Variants in NAV2 observed in about 807,000 individuals in gnomAD.
NAV2 encodes neuron navigator 2, also known as helicase, APC down-regulated 1.
In NAV2, 54 loss-of-function variants were observed where a neutral mutation model predicts 223.2. The ratio of observed to expected loss-of-function variants is 0.24; its 90% CI spans 0.19 to 0.30. The LOEUF is 0.30. Among genes scored for constraint, NAV2 ranks in the 10% least tolerant of loss-of-function variants. NAV2 has a pLI of 1.00. For missense variants in NAV2, 2,806 were observed against 3,147.5 expected (o/e 0.89, Z 2.60); for synonymous variants, 1,279 against 1,239.3 (o/e 1.03, Z -0.67).
intron 1 of NAV2, among the ~76,000 whole-genome samples, chr11:19,831,547 A>G (rs1291433906): frequency 1.3e-5 from 2 of 152,178 alleles, no homozygotes; most frequent in Non-Finnish European, 2.9e-5. Context: ...GTTCACATAT[A>G]CACTCTTCTG....
At chr11:20,109,278 A>G (rs1016094864) in intron 36 of NAV2, among the ~76,000 whole-genome samples, 1 of 152,086 alleles carries the variant, frequency 6.6e-6, no homozygotes, top group Admixed American at 6.5e-5. Flanking sequence ...CATATTTAAT[A>G]AAGTGTATTG....
Position 20,048,724 on chromosome 11 carries a change from A to G in NAV2, c.3903-4A>G. On this transcript the variant is annotated splice_polypyrimidine_tract_variant and splice_region_variant and intron_variant, in intron 14 of 37. Coordinates refer to ENST00000349880, the MANE Select transcript of NAV2 (RefSeq NM_145117.5). ...AACCTACACAACCCTTTGTCTCTTC[A>G]CAGACTCTTTGGTGGGAAGCCTACC... The G allele has an allele frequency of 6.2e-7, 1 of 1,613,184 alleles. No homozygotes were observed. Among genetic ancestry groups the G allele is most frequent in the African/African-American group, 1.3e-5 (1 of 74,946 alleles).
chr11:20,111,249 C>T (rs546546037), intron 36 of NAV2, among the ~76,000 whole-genome samples: 16 of 152,210 alleles, frequency 1.1e-4, no homozygotes, highest in Admixed American at 2.6e-4. Flanking sequence ...TTCAATGTCT[C>T]AGCTCCCTGT....
intron 10 of NAV2, among the ~76,000 whole-genome samples, chr11:19,977,862 T>TG (rs1353094260): frequency 2.1e-5 from 3 of 146,266 alleles, no homozygotes; most frequent in Non-Finnish European, 4.5e-5. Flanking sequence ...TGGAGTGCAA[T>TG]GGCACAGTCT....
chr11:20,052,385 T>C (rs1383169137), intron 17 of NAV2, among the ~76,000 whole-genome samples: 1 of 152,228 alleles, frequency 6.6e-6, no homozygotes, highest in Non-Finnish European at 1.5e-5. Context: ...CAGGAAGTTG[T>C]TGAGCAGTGT....
intron 6 of NAV2, among the ~76,000 whole-genome samples, chr11:19,895,600 T>G (rs1479252624): frequency 6.6e-6 from 1 of 152,098 alleles, no homozygotes; most frequent in Non-Finnish European, 1.5e-5. Context: ...TGTGAGAGTG[T>G]TATGTGAGCT....
intron 1 of NAV2, among the ~76,000 whole-genome samples, chr11:19,562,539 G>A (rs1292759158): frequency 2.0e-5 from 3 of 152,060 alleles, no homozygotes; most frequent in Non-Finnish European, 2.9e-5. Context: ...CTGGAGCTTA[G>A]GCACTAAATC....
At chr11:19,706,129 T>G (rs1177153308) in intron 1 of NAV2, among the ~76,000 whole-genome samples, 1 of 152,208 alleles carries the variant, frequency 6.6e-6, no homozygotes, top group Non-Finnish European at 1.5e-5. Context: ...TATGATTTAT[T>G]TACACAGCCT....
chr11:19,914,310 G>T (rs573585526), intron 6 of NAV2, among the ~76,000 whole-genome samples: 1 of 152,040 alleles, frequency 6.6e-6, no homozygotes, highest in South Asian at 2.1e-4. Flanking sequence ...CATTACTGTC[G>T]GTCACTATTT....
At chr11:19,861,338 G>A (rs770963225) in intron 3 of NAV2, among the ~76,000 whole-genome samples, 23 of 149,366 alleles carry the variant, frequency 1.5e-4, no homozygotes, top group Non-Finnish European at 3.3e-4. Flanking sequence ...AAGCCTGGAG[G>A]AGGAAACGGA....
At chr11:19,748,638 T>C (rs1303323891) in intron 1 of NAV2, among the ~76,000 whole-genome samples, 3 of 152,164 alleles carry the variant, frequency 2.0e-5, no homozygotes, top group Non-Finnish European at 4.4e-5. Flanking sequence ...AATGAATGAG[T>C]AGACATTGTC....
chr11:19,784,197 T>C (rs977787945), intron 1 of NAV2, among the ~76,000 whole-genome samples: 12 of 151,886 alleles, frequency 7.9e-5, no homozygotes, highest in African/African-American at 2.9e-4. Flanking sequence ...AAGACCAGCC[T>C]GACCAACATG....
chr11:19,371,006 C>T (rs183786498), intron 1 of NAV2, among the ~76,000 whole-genome samples: 2 of 152,254 alleles, frequency 1.3e-5, no homozygotes, highest in East Asian at 1.9e-4. Flanking sequence ...TAGTCCAATT[C>T]CCATTTTTCA....
At chr11:20,036,257 C>T (rs964916753) in intron 12 of NAV2, among the ~76,000 whole-genome samples, 160 bp downstream of exon 12, 3 of 152,208 alleles carry the variant, frequency 2.0e-5, no homozygotes, top group South Asian at 2.1e-4. Context: ...CTGACCCTGA[C>T]CTGTGTCCAC....
At chr11:19,927,275 T>C (rs2044852836) in intron 6 of NAV2, among the ~76,000 whole-genome samples, 1 of 152,210 alleles carries the variant, frequency 6.6e-6, no homozygotes, top group East Asian at 1.9e-4. Context: ...CACAGCCCAC[T>C]AGTGGGGCAT....
chr11:19,474,265 G>A (rs553172909), intron 1 of NAV2, among the ~76,000 whole-genome samples: 12 of 152,334 alleles, frequency 7.9e-5, no homozygotes, highest in African/African-American at 2.9e-4. Context: ...CAGCCCAGTG[G>A]CATCGTTTGT....
chr11:19,852,419 G>A (rs745904422), intron 3 of NAV2, among the ~76,000 whole-genome samples: 17 of 152,166 alleles, frequency 1.1e-4, no homozygotes, highest in Non-Finnish European at 2.4e-4. Flanking sequence ...CTGTAGGGAA[G>A]CATGTGGAGG....
chr11:20,104,847 G>C (rs141503188), intron 34 of NAV2: 1 of 152,296 alleles, frequency 6.6e-6, no homozygotes, highest in African/African-American at 2.4e-5. Flanking sequence ...GGTCAAGTAT[G>C]AACTTCAGCT....
chr11:19,623,613 C>T (rs559134455), intron 1 of NAV2, among the ~76,000 whole-genome samples: 8 of 152,298 alleles, frequency 5.3e-5, no homozygotes, highest in Non-Finnish European at 1.0e-4. Flanking sequence ...TTTTCAGCTC[C>T]ATCAGGTCAT....
Sources: allele counts gnomAD v4.1 joint callset (sites outside exome capture counted in the v4.1 genomes callset), GRCh38; gene constraint gnomAD v4.1.1; transcripts MANE v1.5; gene names NCBI Gene and HGNC (gene_info 2026-07-23, HGNC 2026-07-21).